TMEM272: variants seen among roughly 807,000 people sequenced by gnomAD.
TMEM272 encodes the protein long intergenic non-protein coding RNA 282.
Under a neutral mutation model 3.7 loss-of-function variants are expected in TMEM272, and 8 were observed. The ratio of observed to expected loss-of-function variants is 2.17; its 90% CI spans 1.27 to 3.91. The LOEUF is 3.91. Among genes scored for constraint, TMEM272 ranks in the 30% most tolerant of loss-of-function variants. The pLI is 0.00. For synonymous variants in TMEM272, 63 were observed against 39.8 expected (o/e 1.58, Z -2.20); for missense variants, 166 against 91.5 (o/e 1.81, Z -3.32).
At chr13:51,904,243 C>T in the TMEM272 span, among the ~76,000 whole-genome samples, 1 of 152,044 alleles carries the variant, frequency 6.6e-6, no homozygotes, top group African/African-American at 2.4e-5. Context: ...TTAATGAGCC[C>T]ATGGACCAGA....
chr13:51,883,003 T>C, the TMEM272 span, among the ~76,000 whole-genome samples: 1 of 152,224 alleles, frequency 6.6e-6, no homozygotes. Context: ...GTGGCTGGAC[T>C]GGGTGTGCCA....
chr13:51,924,079 C>T, the TMEM272 span, among the ~76,000 whole-genome samples: 1 of 152,116 alleles, frequency 6.6e-6, no homozygotes, highest in African/African-American at 2.4e-5. Context: ...TTTTGAAAAC[C>T]ACGCCTTCCT....
the TMEM272 span, among the ~76,000 whole-genome samples, chr13:51,853,325 G>A: frequency 0.014 from 2,150 of 152,124 alleles, 57 homozygotes; most frequent in African/African-American, 0.049. Context: ...CAGAAGAATC[G>A]CTTGAACCTG....
the TMEM272 span, among the ~76,000 whole-genome samples, chr13:51,889,842 T>G: frequency 6.6e-6 from 1 of 152,192 alleles, no homozygotes; most frequent in Admixed American, 6.5e-5. Context: ...GGTTTCTCCA[T>G]GTTGGTCGGG....
At chr13:51,887,886 T>C in the TMEM272 span, among the ~76,000 whole-genome samples, 1 of 152,222 alleles carries the variant, frequency 6.6e-6, no homozygotes, top group Admixed American at 6.5e-5. Flanking sequence ...TGCTCTGCCT[T>C]ATGCCTACCT....
At chr13:51,880,088 G>A in the TMEM272 span, among the ~76,000 whole-genome samples, 104 of 152,284 alleles carry the variant, frequency 6.8e-4, no homozygotes, top group Non-Finnish European at 1.1e-3. Flanking sequence ...GGGAGGGGTC[G>A]TCAACGAAAC....
rs1956038426 is a variant in TMEM272, at chr13:51,817,102, C to T, written c.213G>A (p.Leu71=). 1.4e-6 allele frequency: 1 copy of T among 701,740 alleles called. No homozygotes were observed. The highest frequency in any genetic ancestry group is 2.3e-4 in the Middle Eastern group (1 of 4,368). The allele number at this position is 701,740 out of a possible 1,614,324, so 43.5% of individuals were successfully genotyped here. The change falls in exon 5 of 5, where the codon CTG becomes CTA. Residue 71 remains leucine, a synonymous_variant. Coordinates refer to ENST00000629372, the MANE Select transcript of TMEM272 (RefSeq NM_001351003.2). ...GIVGTLKVSL[L]LYDSTRMRRL... ...GCCTCATCCTGGTGGAGTCGTACAA[C>T]AGGAGAGACACCTGGGGCGTGGTGG... is the stretch of plus-strand genomic sequence containing the variant.
the TMEM272 span, among the ~76,000 whole-genome samples, chr13:51,931,789 A>G: frequency 6.6e-6 from 1 of 152,150 alleles, no homozygotes; most frequent in Non-Finnish European, 1.5e-5. Context: ...CATGGCATGA[A>G]GTCCTCCAGG....
intron 1 of TMEM272, among the ~76,000 whole-genome samples, chr13:51,841,392 GT>G (rs1415144577): frequency 1.3e-5 from 2 of 152,202 alleles, no homozygotes; most frequent in African/African-American, 4.8e-5. Flanking sequence ...TTTGAAATGT[GT>G]TGAACGGTTT....
At chr13:51,886,958 C>T in the TMEM272 span, among the ~76,000 whole-genome samples, 1 of 152,144 alleles carries the variant, frequency 6.6e-6, no homozygotes, top group African/African-American at 2.4e-5. Flanking sequence ...TTTACCTTAC[C>T]GTGCTCACCA....
At chr13:51,896,955 C>A in the TMEM272 span, among the ~76,000 whole-genome samples, 2 of 152,210 alleles carry the variant, frequency 1.3e-5, no homozygotes, top group Non-Finnish European at 2.9e-5. Context: ...AGGAGTTAGT[C>A]TGCCGCAGTT....
At chr13:51,922,118 G>A in the TMEM272 span, among the ~76,000 whole-genome samples, 4 of 152,188 alleles carry the variant, frequency 2.6e-5, no homozygotes, top group South Asian at 2.1e-4. Context: ...TGGAGATGGC[G>A]TATCAGTTCA....
At chr13:51,902,177 T>C in the TMEM272 span, among the ~76,000 whole-genome samples, 1 of 152,324 alleles carries the variant, frequency 6.6e-6, no homozygotes, top group East Asian at 1.9e-4. Flanking sequence ...TTCTCAGTTT[T>C]GTAAGATGTA....
upstream of TMEM272, among the ~76,000 whole-genome samples, chr13:51,845,658 A>T (rs1340303427): frequency 6.6e-6 from 1 of 152,250 alleles, no homozygotes; most frequent in Non-Finnish European, 1.5e-5. Context: ...TAAACTTTGT[A>T]ACAGTGGCCT....
the TMEM272 span, among the ~76,000 whole-genome samples, chr13:51,891,874 C>A: frequency 6.6e-6 from 1 of 151,916 alleles, no homozygotes; most frequent in Non-Finnish European, 1.5e-5. Flanking sequence ...TGGAGGGGGG[C>A]AAGGGCAGTC....
the TMEM272 span, among the ~76,000 whole-genome samples, chr13:51,885,641 T>C: frequency 0.87 from 132,751 of 152,272 alleles, 59,003 homozygotes; most frequent in East Asian, 0.97. Context: ...AAATTTGCAG[T>C]TGCCAATACA....
At chr13:51,906,472 G>A in the TMEM272 span, among the ~76,000 whole-genome samples, 1 of 152,204 alleles carries the variant, frequency 6.6e-6, no homozygotes, top group Non-Finnish European at 1.5e-5. Flanking sequence ...TGAGAACAAG[G>A]AAGAACATAT....
chr13:51,896,526 C>T, the TMEM272 span, among the ~76,000 whole-genome samples: 2 of 152,166 alleles, frequency 1.3e-5, no homozygotes, highest in Non-Finnish European at 2.9e-5. Context: ...AGTCACTGCC[C>T]TCTGGGGAAG....
the TMEM272 span, among the ~76,000 whole-genome samples, chr13:51,868,270 G>A: frequency 4.3e-4 from 66 of 152,208 alleles, no homozygotes; most frequent in Admixed American, 2.6e-3. Context: ...CAATCACAAT[G>A]TCATTATTTG....
Sources: allele counts gnomAD v4.1 joint callset (sites outside exome capture counted in the v4.1 genomes callset), GRCh38; gene constraint gnomAD v4.1.1; transcripts MANE v1.5; gene names NCBI Gene and HGNC (gene_info 2026-07-23, HGNC 2026-07-21).